PLEKHH2: variants seen among roughly 807,000 people sequenced by gnomAD.
PLEKHH2 encodes the protein pleckstrin homology, MyTH4 and FERM domain containing H2, also known as pleckstrin homology domain-containing family H member 2.
PLEKHH2 carries 129 observed loss-of-function variants against 187.9 expected under a neutral mutation model. That is an observed-to-expected ratio of 0.69 (90% confidence interval 0.59 to 0.79). PLEKHH2 has a LOEUF of 0.79. Ranked by LOEUF, PLEKHH2 falls within the 30% of genes least tolerant of loss-of-function variation. The pLI, the probability that PLEKHH2 is intolerant of heterozygous loss-of-function variation, is 0.00. For missense variants in PLEKHH2, 2,076 were observed against 1,751.2 expected, an observed-to-expected ratio of 1.19 and a Z score of -3.31; for synonymous variants, 686 against 605.6, an observed-to-expected ratio of 1.13 and a Z score of -1.95.
At chr2:43,737,887 T>C (rs60351541) in intron 19 of PLEKHH2, among the ~76,000 whole-genome samples, 24,706 of 150,956 alleles carry the variant, frequency 0.16, 3,564 homozygotes, top group African/African-American at 0.39. Flanking sequence ...ACTTTGGAGA[T>C]TGGCCACCAC....
chr2:43,648,604 G>A (rs912543922), intron 2 of PLEKHH2, among the ~76,000 whole-genome samples: 4 of 109,112 alleles, frequency 3.7e-5, no homozygotes, highest in Non-Finnish European at 8.2e-5. Flanking sequence ...TGTGTGTGAC[G>A]GGGTCCCACT....
intron 2 of PLEKHH2, among the ~76,000 whole-genome samples, chr2:43,658,377 A>G (rs1156458446): frequency 1.3e-5 from 2 of 152,234 alleles, no homozygotes; most frequent in Admixed American, 1.3e-4. Flanking sequence ...CTTCATCTGT[A>G]TTAGTTATCT....
intron 21 of PLEKHH2, 128 bp from the exon 22 acceptor site, chr2:43,742,613 A>G: frequency 1.5e-6 from 1 of 651,916 alleles, no homozygotes; most frequent in Non-Finnish European, 2.3e-6. Context: ...TTATCATTCA[A>G]AAAAAGTTAC....
chr2:43,755,807 G>A (rs1672190919), intron 25 of PLEKHH2, among the ~76,000 whole-genome samples: 1 of 152,108 alleles, frequency 6.6e-6, no homozygotes, highest in East Asian at 1.9e-4. Flanking sequence ...ATGACTGCTT[G>A]TGCTTCCTCC....
At chr2:43,678,793 A>C in intron 2 of PLEKHH2, 70 bp from the exon 3 acceptor site, 1 of 1,136,630 alleles carries the variant, frequency 8.8e-7, no homozygotes, top group Non-Finnish European at 1.3e-6. Flanking sequence ...TGAGATTTTT[A>C]AAGCCTTTTT....
Position 43,695,188 on chromosome 2 carries a change from ACTG to A in PLEKHH2, c.467_469del (p.Thr156_Glu157delinsLys), listed in dbSNP as rs773337311. On this transcript the variant is annotated inframe_deletion, in exon 6 of 30. Transcript: ENST00000282406. ...TCTTCGTTTGATCAACCAAAACCAA[ACTG>A]AAGAGATAAGAACAATGCAGTCAAA... 1 of 1,600,150 alleles carries A rather than the reference ACTG, an allele frequency of 6.2e-7. No homozygotes were observed. Among genetic ancestry groups the A allele is most frequent in the Non-Finnish European group, 8.5e-7 (1 of 1,171,188 alleles).
chr2:43,675,336 A>G (rs1438610591), intron 2 of PLEKHH2: 8 of 1,405,412 alleles, frequency 5.7e-6, no homozygotes, highest in South Asian at 4.5e-5. Context: ...CCACATTTCA[A>G]GTGCTCTTGG....
intron 28 of PLEKHH2, among the ~76,000 whole-genome samples, chr2:43,763,337 T>C (rs1672500528): frequency 6.6e-6 from 1 of 152,220 alleles, no homozygotes; most frequent in African/African-American, 2.4e-5. Flanking sequence ...AATGGTCTGC[T>C]CAGTCTTGCA....
intron 2 of PLEKHH2, among the ~76,000 whole-genome samples, chr2:43,656,978 C>T (rs1558429017): frequency 6.6e-6 from 1 of 152,190 alleles, no homozygotes; most frequent in Non-Finnish European, 1.5e-5. Context: ...GAGATCGCGC[C>T]ATTGCACTCT....
rs553702668 is a variant in PLEKHH2, at chr2:43,673,013, A to G, written c.124-5850A>G. On this transcript the variant is annotated intron_variant, in intron 2 of 29. Transcript: ENST00000282406. ...TATGTATAATATCATTCTATATATA[A>G]TTTACACTTATTTTTAAATATGTCA... 3.3e-5 allele frequency among the ~76,000 whole-genome samples: 5 copies of G among 152,296 alleles called. No individual in the cohort carries two copies. The South Asian group carries it at 1.0e-3, about 32-fold the overall frequency.
At chr2:43,670,977 AT>A (rs956071106) in intron 2 of PLEKHH2, among the ~76,000 whole-genome samples, 5 of 145,180 alleles carry the variant, frequency 3.4e-5, no homozygotes, top group Non-Finnish European at 7.6e-5. Context: ...TATTGCTCTT[AT>A]TTTTTTTTAA....
intron 2 of PLEKHH2, among the ~76,000 whole-genome samples, chr2:43,659,555 T>C (rs1666964151): frequency 6.6e-6 from 1 of 152,028 alleles, no homozygotes; most frequent in South Asian, 2.1e-4. Flanking sequence ...GTTTTGGAAT[T>C]TGGGGTTGCA....
intron 2 of PLEKHH2, chr2:43,676,200 C>CTCGT: frequency 6.2e-7 from 1 of 1,614,010 alleles, no homozygotes; most frequent in African/African-American, 1.3e-5. Context: ...GGTGATGGTG[C>CTCGT]TCGTGGTCTT....
chr2:43,758,602 A>T (rs1440628972), intron 26 of PLEKHH2, among the ~76,000 whole-genome samples: 1 of 152,184 alleles, frequency 6.6e-6, no homozygotes, highest in Non-Finnish European at 1.5e-5. Flanking sequence ...TTATCTTTTA[A>T]ACTAATTTAC....
At chr2:43,685,182 T>G (rs1444822367) in intron 3 of PLEKHH2, among the ~76,000 whole-genome samples, 1 of 152,206 alleles carries the variant, frequency 6.6e-6, no homozygotes, top group Non-Finnish European at 1.5e-5. Flanking sequence ...AACCATGTCC[T>G]AAGACTCAAA....
At chr2:43,683,255 C>T (rs983635425) in intron 3 of PLEKHH2, among the ~76,000 whole-genome samples, 1 of 147,386 alleles carries the variant, frequency 6.8e-6, no homozygotes, top group African/African-American at 2.5e-5. Flanking sequence ...AAGCCATTCT[C>T]CTGCCTCAGC....
intron 8 of PLEKHH2, among the ~76,000 whole-genome samples, chr2:43,701,949 A>G (rs1221538224): frequency 1.3e-5 from 2 of 152,060 alleles, no homozygotes; most frequent in Admixed American, 6.6e-5. Flanking sequence ...TTGTATTTTT[A>G]GTAGAGGTGG....
intron 2 of PLEKHH2, among the ~76,000 whole-genome samples, chr2:43,670,846 G>T (rs530299982): frequency 3.5e-4 from 53 of 152,014 alleles, no homozygotes; most frequent in African/African-American, 1.2e-3. Context: ...TTCCTTATCA[G>T]TATATTGTGA....
chr2:43,698,975 C>T (rs1188807478), intron 7 of PLEKHH2, among the ~76,000 whole-genome samples: 1 of 152,122 alleles, frequency 6.6e-6, no homozygotes, highest in African/African-American at 2.4e-5. Flanking sequence ...TTTTGCATAT[C>T]TCAATGTATC....
Sources: allele counts gnomAD v4.1 joint callset (sites outside exome capture counted in the v4.1 genomes callset), GRCh38; gene constraint gnomAD v4.1.1; transcripts MANE v1.5; gene names NCBI Gene and HGNC (gene_info 2026-07-23, HGNC 2026-07-21).